Variants in PPP1R18 observed in about 807,000 individuals in gnomAD.
The protein encoded by PPP1R18 is protein phosphatase 1 regulatory subunit 18.
PPP1R18 carries 31 observed loss-of-function variants against 54.8 expected under a neutral mutation model. The ratio of observed to expected loss-of-function variants is 0.57; its 90% CI spans 0.43 to 0.76. The LOEUF is 0.76. Ranked by LOEUF, PPP1R18 falls within the 30% of genes least tolerant of loss-of-function variation. The pLI is 0.00. For synonymous variants in PPP1R18, 310 were observed against 320.2 expected, an observed-to-expected ratio of 0.97 and a Z score of 0.34; for missense variants, 685 against 776.1, an observed-to-expected ratio of 0.88 and a Z score of 1.39.
chr6:30,684,860 C>T lies in PPP1R18; in HGVS notation c.1159G>A (p.Gly387Ser), dbSNP rs369688652. ...EAEKEEAGAQ[G>S]RPLRALQNCC... ...TTCTGCAGGGCTCTCAGAGGCCTGC[C>T]CTGAGCCCCCGCCTCCTCCTTCTCA... The change falls in exon 1 of 3, where the codon GGC (glycine) becomes AGC (serine). Residue 387 changes from glycine (G) to serine (S), a missense_variant. By Grantham distance (56) the Gly-to-Ser change is moderately conservative. Coordinates refer to ENST00000274853, the MANE Select transcript of PPP1R18 (RefSeq NM_133471.4). This position sits in a 1 kb window ranked among gnomAD's most constrained non-coding sequence, Gnocchi z 6.0. 17 of 1,612,700 alleles carry T rather than the reference C, an allele frequency of 1.1e-5. No homozygotes were observed. The African/African-American group carries it at 1.3e-4, about 13-fold the overall frequency.
chr6:30,679,403 A>C lies in PPP1R18; in HGVS notation c.1612-14T>G. The stretch of plus-strand genomic sequence containing the variant: ...GGAGATCTTAAGCTGAAGGAGGGAG[A>C]AAAAGGGGGCAGGAGGCAAGGTCAG... On this transcript the variant is annotated splice_polypyrimidine_tract_variant and intron_variant, in intron 1 of 2. Transcript: ENST00000274853. 1 of 1,576,374 alleles carries C rather than the reference A, an allele frequency of 6.3e-7. No homozygotes were observed. The highest frequency in any genetic ancestry group is 8.6e-7 in the Non-Finnish European group (1 of 1,162,628).
upstream of PPP1R18, chr6:30,687,108 A>G: frequency 6.5e-6 from 1 of 153,324 alleles, no homozygotes; most frequent in East Asian, 1.9e-4. This position sits in a 1 kb window ranked among gnomAD's most constrained non-coding sequence, Gnocchi z 7.9. Flanking sequence ...CCCTCAGTCA[A>G]CTCACAGGCC....
Position 30,684,739 on chromosome 6 carries a change from G to C in PPP1R18, c.1280C>G (p.Pro427Arg), listed in dbSNP as rs1770770882. ...EEEAVELQPP[P>R]PAPLSPPPPA... ...GGGTGGGGGAGACAGAGGGGCTGGT[G>C]GTGGGGGCTGGAGCTCCACTGCTTC... The change falls in exon 1 of 3, where the codon CCA becomes CGA. Residue 427 changes from proline to arginine, a missense_variant. By Grantham distance (103) the Pro-to-Arg change is moderately radical (BLOSUM62 -2). Coordinates refer to ENST00000274853, the MANE Select transcript of PPP1R18 (RefSeq NM_133471.4). The surrounding 1 kb of genome is among the most constrained non-coding windows in gnomAD (Gnocchi z 6.0). The C allele has an allele frequency of 1.3e-6, 2 of 1,558,090 alleles. No individual in the cohort carries two copies. The highest frequency in any genetic ancestry group is 1.4e-5 in the African/African-American group (1 of 73,398).
chr6:30,684,869 C>T lies in PPP1R18; in HGVS notation c.1150G>A (p.Gly384Arg), dbSNP rs781486951. The change falls in exon 1 of 3, where the codon GGG becomes AGG. Residue 384 changes from glycine (G) to arginine (R), a missense_variant. Coordinates refer to ENST00000274853, the MANE Select transcript of PPP1R18 (RefSeq NM_133471.4). The surrounding 1 kb of genome is among the most constrained non-coding windows in gnomAD (Gnocchi z 6.0). ...GCTCTCAGAGGCCTGCCCTGAGCCC[C>T]CGCCTCCTCCTTCTCAGCCTCCCCT... ...GEGEAEKEEA[G>R]AQGRPLRALQ... 5.4e-5 allele frequency: 87 copies of T among 1,612,904 alleles called. No homozygotes were observed. In the East Asian group the frequency reaches 1.9e-3, roughly 35 times the overall value.
chr6:30,684,773 G>T lies in PPP1R18; in HGVS notation c.1246C>A (p.Gln416Lys). The T allele has an allele frequency of 6.3e-7, 1 of 1,596,736 alleles. No homozygotes were observed. Reference sequence around the variant, plus strand: ...TGGAGCTCCACTGCTTCCTCTTCCTGCTGTCTCAGGCCTCCAGTCCCAGCG... The same window carrying T: ...TGGAGCTCCACTGCTTCCTCTTCCTTCTGTCTCAGGCCTCCAGTCCCAGCG... ...EDAGTGGLRQ[Q>K]EEEAVELQPP... Residue 416 changes from glutamine to lysine, a missense_variant, in exon 1 of 3, where the codon CAG (glutamine) becomes AAG (lysine). Coordinates refer to ENST00000274853, the MANE Select transcript of PPP1R18 (RefSeq NM_133471.4). The surrounding 1 kb of genome is among the most constrained non-coding windows in gnomAD (Gnocchi z 6.0).
chr6:30,677,032 G>A lies in PPP1R18; in HGVS notation c.*237C>T, dbSNP rs1770227111. 1.5e-6 allele frequency: 1 copy of A among 671,836 alleles called. No homozygotes were observed. The highest frequency in any genetic ancestry group is 1.8e-5 in the African/African-American group (1 of 55,454). 41.6% of individuals were successfully genotyped at this position (671,836 alleles called of 1,614,324 possible). On this transcript the variant is annotated 3_prime_UTR_variant, in exon 3 of 3. Transcript: ENST00000274853. ...TTCTCAGGACTTGGCGCTCACTCTT[G>A]GATGACCTAGGATGCACCAGCACGT...
Position 30,683,363 on chromosome 6 carries a change from G to A in PPP1R18, c.1611+1045C>T, listed in dbSNP as rs925388409. Among the ~76,000 whole-genome samples the A allele has an allele frequency of 1.2e-4, 18 of 152,264 alleles. No homozygotes were observed. Among genetic ancestry groups the A allele is most frequent in the Admixed American group, 2.0e-4 (3 of 15,302 alleles). The stretch of plus-strand genomic sequence containing the variant: ...AGGGAAGAAGTGAGGCCAGGGCCAG[G>A]GGGAGTCATCCTGGCTGCCCCCACT... On this transcript the variant is annotated intron_variant, in intron 1 of 2. Transcript: ENST00000274853. This position sits in a 1 kb window ranked among gnomAD's most constrained non-coding sequence, Gnocchi z 5.1.
rs1770878782 is a variant in PPP1R18 at position 30,685,753 on chromosome 6, C to T, written c.266G>A (p.Arg89Gln). The T allele has an allele frequency of 5.6e-6, 9 of 1,612,962 alleles. No individual in the cohort carries two copies. The highest frequency in any genetic ancestry group is 2.7e-5 in the African/African-American group (2 of 74,942). Residue 89 changes from arginine to glutamine, a missense_variant, in exon 1 of 3, where the codon CGA becomes CAA. Transcript: ENST00000274853. This position sits in a 1 kb window ranked among gnomAD's most constrained non-coding sequence, Gnocchi z 5.0. ...CTGCTGCCGCTCCTGCCGGATGAAT[C>T]GGTTCTGGTGCACTGGCCCGATGGC... ...LEAIGPVHQNRFIRQERQQQQ... is the reference protein window; with the variant it reads ...LEAIGPVHQNQFIRQERQQQQ...
In PPP1R18 at chr6:30,684,281, G is replaced by A. The variant is rs1770720818; in HGVS notation, c.1611+127C>T. On this transcript the variant is annotated intron_variant, in intron 1 of 2. Transcript: ENST00000274853. The surrounding 1 kb of genome is among the most constrained non-coding windows in gnomAD (Gnocchi z 6.0). Reference sequence around the variant, plus strand: ...TGTATGTGCAGAGCGAGGAAGGGTGGTGGCAGGAATTAACAAGAAAGAATA... The same window carrying A: ...TGTATGTGCAGAGCGAGGAAGGGTGATGGCAGGAATTAACAAGAAAGAATA... 2.2e-6 allele frequency: 2 copies of A among 927,146 alleles called. No homozygotes were observed. The highest frequency in any genetic ancestry group is 1.7e-5 in the African/African-American group (1 of 58,716). The allele number at this position is 927,146 out of a possible 1,614,324, so 57.4% of individuals were successfully genotyped here. A position where few individuals can be genotyped will look rare whatever the true frequency, so the allele number is the denominator to read the frequency against.
chr6:30,680,814 G>A (rs1481633214), intron 1 of PPP1R18, among the ~76,000 whole-genome samples: 2 of 152,020 alleles, frequency 1.3e-5, no homozygotes, highest in Admixed American at 1.3e-4. Context: ...GGCTGGGCGC[G>A]GTGGTTCATG....
In PPP1R18 at chr6:30,677,218, G is replaced by A; in HGVS notation, c.*51C>T. ...TCTGCCCTGAATCTTCCGGGCTCCA[G>A]GATCTTCAGTTATAAGAAGGAGGGA... On this transcript the variant is annotated 3_prime_UTR_variant, in exon 3 of 3. Transcript: ENST00000274853. The A allele has an allele frequency of 6.4e-7, 1 of 1,558,532 alleles. No homozygotes were observed. Among genetic ancestry groups the A allele is most frequent in the Non-Finnish European group, 8.8e-7 (1 of 1,131,878 alleles).
Position 30,685,827 on chromosome 6 carries a change from A to T in PPP1R18, c.192T>A (p.Thr64=). 6.2e-7 allele frequency: 1 copy of T among 1,612,918 alleles called. No homozygotes were observed. The highest frequency in any genetic ancestry group is 8.5e-7 in the Non-Finnish European group (1 of 1,180,018). Residue 64 remains threonine (T), a synonymous_variant, in exon 1 of 3, where the codon ACT becomes ACA. Transcript: ENST00000274853. The surrounding 1 kb of genome is among the most constrained non-coding windows in gnomAD (Gnocchi z 5.0). Reference sequence around the variant, plus strand: ...CCGGGTCTGGAGGTCCAGCCTCTACAGTCCCTAGCACAGGGCTAGGCTCCC... The same window carrying T: ...CCGGGTCTGGAGGTCCAGCCTCTACTGTCCCTAGCACAGGGCTAGGCTCCC... The part of the protein sequence containing the change: ...SPGEPSPVLG[T]VEAGPPDPDE...
Position 30,676,849 on chromosome 6 carries a change from G to A in PPP1R18, c.*420C>T, listed in dbSNP as rs1017688066. The A allele has an allele frequency of 1.4e-4, 42 of 297,550 alleles. No individual in the cohort carries two copies. The highest frequency in any genetic ancestry group is 8.1e-4 in the African/African-American group (35 of 43,282). 18.4% of individuals were successfully genotyped at this position (297,550 alleles called of 1,614,324 possible). A position where few individuals can be genotyped will look rare whatever the true frequency, so the allele number is the denominator to read the frequency against. The stretch of plus-strand genomic sequence containing the variant: ...CAGTGACCTAGGAAATGAAGGAGAT[G>A]TGCCTATAAATGGAGTGGGGTCTGG... On this transcript the variant is annotated 3_prime_UTR_variant, in exon 3 of 3. Transcript: ENST00000274853.
chr6:30,682,949 G>T (rs913166811), intron 1 of PPP1R18, among the ~76,000 whole-genome samples: 3 of 152,156 alleles, frequency 2.0e-5, no homozygotes, highest in South Asian at 2.1e-4. Flanking sequence ...ACCTCACCCG[G>T]GTAGCATTTC....
intron 1 of PPP1R18, among the ~76,000 whole-genome samples, chr6:30,681,756 T>G (rs1051403280): frequency 6.6e-6 from 1 of 150,812 alleles, no homozygotes; most frequent in Admixed American, 6.6e-5. Context: ...AGCGAGACTG[T>G]CTCAGAAAAA....
At position 30,684,774 on chromosome 6, in the gene PPP1R18, C is replaced by A; in HGVS notation, c.1245G>T (p.Gln415His). The change falls in exon 1 of 3, where the codon CAG (glutamine) becomes CAT (histidine). Residue 415 changes from glutamine (Q) to histidine (H), a missense_variant. By Grantham distance (24) the Gln-to-His change is conservative. Transcript: ENST00000274853. This position sits in a 1 kb window ranked among gnomAD's most constrained non-coding sequence, Gnocchi z 6.0. ...PEDAGTGGLR[Q>H]QEEEAVELQP... ...GGAGCTCCACTGCTTCCTCTTCCTG[C>A]TGTCTCAGGCCTCCAGTCCCAGCGT... 6.3e-7 allele frequency: 1 copy of A among 1,596,724 alleles called. No homozygotes were observed. The highest frequency in any genetic ancestry group is 8.5e-7 in the Non-Finnish European group (1 of 1,171,010).
At chr6:30,681,123 A>C in intron 1 of PPP1R18, among the ~76,000 whole-genome samples, 1 of 144,374 alleles carries the variant, frequency 6.9e-6, no homozygotes, top group Non-Finnish European at 1.5e-5. Flanking sequence ...GATTGCCCCC[A>C]AGGTGCCCAG....
At position 30,684,505 on chromosome 6, in the gene PPP1R18, C is replaced by A. The variant is rs769165522; in HGVS notation, c.1514G>T (p.Arg505Leu). 2 of 1,612,538 alleles carry A rather than the reference C, an allele frequency of 1.2e-6. No individual in the cohort carries two copies. Among genetic ancestry groups the A allele is most frequent in the East Asian group, 4.5e-5 (2 of 44,874 alleles). ...CAAGATCTCCTCGGCAGTTGGGTACCGCTTCTTCCCAGCCCCCGGGACTGC... is the reference window on the plus strand; with the variant it reads ...CAAGATCTCCTCGGCAGTTGGGTACAGCTTCTTCCCAGCCCCCGGGACTGC... Reference protein sequence around the residue: ...DAAVPGAGKKRYPTAEEILVL... With the variant: ...DAAVPGAGKKLYPTAEEILVL... Residue 505 changes from arginine (R) to leucine (L), a missense_variant, in exon 1 of 3, where the codon CGG becomes CTG. Arg to Leu is a moderately radical substitution (Grantham distance 102, BLOSUM62 -2). Coordinates refer to ENST00000274853, the MANE Select transcript of PPP1R18 (RefSeq NM_133471.4). The surrounding 1 kb of genome is among the most constrained non-coding windows in gnomAD (Gnocchi z 6.0).
chr6:30,678,061 C>T (rs1446972642), intron 2 of PPP1R18, among the ~76,000 whole-genome samples: 40 of 151,924 alleles, frequency 2.6e-4, no homozygotes, highest in Admixed American at 2.6e-3. Flanking sequence ...CAGGTGTCCA[C>T]CTCCATGCCT....
Sources: gnomAD v4.1 joint callset for allele counts (sites outside exome capture counted in the v4.1 genomes callset) on GRCh38, gnomAD v4.1.1 for gene constraint, Gnocchi (gnomAD v3.1) non-coding constraint, MANE v1.5 for transcripts, NCBI Gene and HGNC (gene_info 2026-07-23, HGNC 2026-07-21) for gene names.